REG4: variants seen among roughly 807,000 people sequenced by gnomAD.
REG4 encodes the protein regenerating islet-derived protein 4.
In REG4, 16 loss-of-function variants were observed where a neutral mutation model predicts 22.3. The observed-to-expected ratio is 0.72, with a 90% confidence interval of 0.49 to 1.09. REG4 has a LOEUF of 1.09. REG4 is among the 50% of genes least tolerant of loss of function. REG4 has a pLI of 0.00. For missense variants in REG4, 214 were observed against 193.9 expected, an observed-to-expected ratio of 1.10 and a Z score of -0.61; for synonymous variants, 71 against 69.2, an observed-to-expected ratio of 1.03 and a Z score of -0.13.
chr1:119,805,043 G>T (rs1016509179), intron 2 of REG4, among the ~76,000 whole-genome samples: 1 of 152,194 alleles, frequency 6.6e-6, no homozygotes, highest in African/African-American at 2.4e-5. Context: ...CTGCTTTGCA[G>T]ATCCAGTTCT....
intron 4 of REG4, among the ~76,000 whole-genome samples, chr1:119,798,911 C>T (rs887717795): frequency 1.8e-4 from 27 of 151,808 alleles, no homozygotes; most frequent in South Asian, 1.7e-3. Context: ...ACATTAAAAA[C>T]GAAATAATTG....
At chr1:119,805,641 GCTCT>G (rs1033052425) in intron 2 of REG4, among the ~76,000 whole-genome samples, 3 of 152,042 alleles carry the variant, frequency 2.0e-5, no homozygotes, top group East Asian at 1.9e-4. Context: ...TCTGAGTGCT[GCTCT>G]CTGTCTTACC....
At chr1:119,803,483 C>G (rs1287618368) in intron 2 of REG4, among the ~76,000 whole-genome samples, 1 of 152,204 alleles carries the variant, frequency 6.6e-6, no homozygotes, top group Non-Finnish European at 1.5e-5. Flanking sequence ...GGAGTTTTAG[C>G]TTGATCTGCC....
rs1206617370 is a variant in REG4, at chr1:119,798,419, G to A, written c.409+78C>T. 8 of 1,097,562 alleles carry A rather than the reference G, an allele frequency of 7.3e-6. No individual in the cohort carries two copies. The East Asian group carries it at 1.9e-4, about 26-fold the overall frequency. 68.0% of individuals were successfully genotyped at this position (1,097,562 alleles called of 1,614,324 possible). On this transcript the variant is annotated intron_variant, in intron 5 of 5. Coordinates refer to ENST00000256585, the MANE Select transcript of REG4 (RefSeq NM_032044.4). ...AATGAGGAGGGCAGTGGTCCCCTGT[G>A]CCTATTTTTGTGCTTACTAGGTAAA... is the stretch of plus-strand genomic sequence containing the variant.
intron 3 of REG4, chr1:119,802,313 G>C (rs1660606): frequency 0.72 from 710,609 of 983,300 alleles, 257,408 homozygotes; most frequent in East Asian, 0.9. Context: ...TTTCTAAGGC[G>C]GGAGAATACC....
At chr1:119,806,524 G>T (rs774739985) in intron 2 of REG4, among the ~76,000 whole-genome samples, 14 of 152,202 alleles carry the variant, frequency 9.2e-5, no homozygotes, top group Non-Finnish European at 2.1e-4. Context: ...CATTCGTTGA[G>T]ATTATTTTGT....
At chr1:119,798,630 A>G (rs1192114997) in intron 4 of REG4, 28 bp from the exon 5 acceptor site, 1 of 1,591,936 alleles carries the variant, frequency 6.3e-7, no homozygotes, top group African/African-American at 1.3e-5. Flanking sequence ...GGAGAAGTGT[A>G]CAGCTCAGCA....
intron 2 of REG4, among the ~76,000 whole-genome samples, chr1:119,806,970 T>TA (rs1654339931): frequency 6.6e-6 from 1 of 152,218 alleles, no homozygotes; most frequent in Non-Finnish European, 1.5e-5. Flanking sequence ...GCCTAGTGTA[T>TA]AGGAATTGTT....
intron 2 of REG4, among the ~76,000 whole-genome samples, chr1:119,804,108 A>C (rs1006008307): frequency 3.9e-5 from 6 of 152,224 alleles, no homozygotes; most frequent in African/African-American, 1.4e-4. Flanking sequence ...GGGGATGTCA[A>C]GCTAGCAAGT....
In REG4 at chr1:119,798,481, G is replaced by T. The variant is rs1376509508; in HGVS notation, c.409+16C>A. The T allele has an allele frequency of 1.1e-5, 17 of 1,593,892 alleles. No individual in the cohort carries two copies. The highest frequency in any genetic ancestry group is 1.5e-5 in the Non-Finnish European group (17 of 1,161,702). Reference sequence around the variant, plus strand: ...GCGCATTGGGAAGTGGTGAGGGGTGGTGCATTATAACTTACTGTTATTGGA... The same window carrying T: ...GCGCATTGGGAAGTGGTGAGGGGTGTTGCATTATAACTTACTGTTATTGGA... On this transcript the variant is annotated intron_variant, in intron 5 of 5. Transcript: ENST00000256585.
At chr1:119,800,499 G>GT (rs770929112) in intron 3 of REG4, among the ~76,000 whole-genome samples, 24 of 152,194 alleles carry the variant, frequency 1.6e-4, no homozygotes, top group Non-Finnish European at 3.4e-4. Flanking sequence ...AGCAGCCTAA[G>GT]TAGGTGGGGC....
In REG4 at chr1:119,794,044, C is replaced by G. The variant is rs1424150464; in HGVS notation, c.*574G>C. ...GGGTGTATTTCTTGGTCTTATTTCACTTTTCCACATTCACCATTACTGAAC... is the reference window on the plus strand; with the variant it reads ...GGGTGTATTTCTTGGTCTTATTTCAGTTTTCCACATTCACCATTACTGAAC... On this transcript the variant is annotated 3_prime_UTR_variant, in exon 6 of 6. Coordinates refer to ENST00000256585, the MANE Select transcript of REG4 (RefSeq NM_032044.4). The G allele has an allele frequency of 4.0e-6, 2 of 505,102 alleles. No homozygotes were observed. The highest frequency in any genetic ancestry group is 8.2e-6 in the Non-Finnish European group (2 of 242,854). 31.3% of individuals were successfully genotyped at this position (505,102 alleles called of 1,614,324 possible).
At chr1:119,802,588 G>T in intron 3 of REG4, 1 of 1,228,912 alleles carries the variant, frequency 8.1e-7, no homozygotes, top group Middle Eastern at 3.1e-4. Flanking sequence ...AAATGGACAG[G>T]TTTGTGGACT....
chr1:119,802,371 T>G, intron 3 of REG4: 4 of 986,760 alleles, frequency 4.1e-6, no homozygotes, highest in Non-Finnish European at 4.8e-6. Context: ...GTTCTTGTTT[T>G]TTTGTTTGTT....
intron 5 of REG4, among the ~76,000 whole-genome samples, chr1:119,796,717 A>G (rs923867109): frequency 2.0e-5 from 3 of 152,158 alleles, no homozygotes; most frequent in African/African-American, 7.2e-5. Context: ...TCTGACAGCC[A>G]CGAGCTGGGT....
chr1:119,803,344 A>G (rs1654184488), intron 2 of REG4, among the ~76,000 whole-genome samples, 179 bp from the exon 3 acceptor site: 1 of 152,188 alleles, frequency 6.6e-6, no homozygotes, highest in East Asian at 1.9e-4. Flanking sequence ...AAAGGGACCT[A>G]TGGCCTTTTA....
At position 119,808,841 on chromosome 1, in the gene REG4, T is replaced by A; in HGVS notation, c.-72A>T. On this transcript the variant is annotated 5_prime_UTR_variant, in exon 2 of 6. Coordinates refer to ENST00000256585, the MANE Select transcript of REG4 (RefSeq NM_032044.4). ...CTTACTAGCGCTTCTTTGAAACTCC[T>A]GGGTTCTCCTTGATCTGCAAATCTG... 8.9e-7 allele frequency: 1 copy of A among 1,120,302 alleles called. No homozygotes were observed. The highest frequency in any genetic ancestry group is 1.3e-6 in the Non-Finnish European group (1 of 749,062). The allele number at this position is 1,120,302 out of a possible 1,614,324, so 69.4% of individuals were successfully genotyped here.
intron 2 of REG4, among the ~76,000 whole-genome samples, chr1:119,804,974 G>C (rs942905919): frequency 1.8e-4 from 28 of 152,136 alleles, no homozygotes; most frequent in African/African-American, 6.3e-4. Flanking sequence ...TGCTTGAGGA[G>C]GTGAGGAAAC....
In REG4 at chr1:119,799,866, T is replaced by G. The variant is rs772423011; in HGVS notation, c.166-4A>C. 7 of 1,613,930 alleles carry G rather than the reference T, an allele frequency of 4.3e-6. No individual in the cohort carries two copies. The Admixed American group carries it at 1.0e-4, about 23-fold the overall frequency. ...TTCCGTAAGACTGACACTCGAGCTATGTACAAGGAGAGGTCCTGTTAATTA... is the reference window on the plus strand; with the variant it reads ...TTCCGTAAGACTGACACTCGAGCTAGGTACAAGGAGAGGTCCTGTTAATTA... On this transcript the variant is annotated splice_polypyrimidine_tract_variant and splice_region_variant and intron_variant, in intron 3 of 5. Transcript: ENST00000256585.
Sources: allele counts gnomAD v4.1 joint callset (sites outside exome capture counted in the v4.1 genomes callset), GRCh38; gene constraint gnomAD v4.1.1; transcripts MANE v1.5; gene names NCBI Gene and HGNC (gene_info 2026-07-23, HGNC 2026-07-21).